ANKRD62: variants seen among roughly 807,000 people sequenced by gnomAD.
ANKRD62 encodes the protein ankyrin repeat domain-containing protein 62.
Under a neutral mutation model 98.8 loss-of-function variants are expected in ANKRD62, and 61 were observed. The ratio of observed to expected loss-of-function variants is 0.62; its 90% CI spans 0.50 to 0.76. The LOEUF is 0.76. Ranked by LOEUF, ANKRD62 falls within the 30% of genes least tolerant of loss-of-function variation. ANKRD62 has a pLI of 0.00. For synonymous variants in ANKRD62, 341 were observed against 367.9 expected, an observed-to-expected ratio of 0.93 and a Z score of 0.84; for missense variants, 933 against 1,082.9, an observed-to-expected ratio of 0.86 and a Z score of 1.94.
At chr18:12,124,779 TGTG>T (rs1909853916) in intron 12 of ANKRD62, among the ~76,000 whole-genome samples, 1 of 152,232 alleles carries the variant, frequency 6.6e-6, no homozygotes, top group Non-Finnish European at 1.5e-5. Context: ...GTAACTGTGA[TGTG>T]GTGGAGGACC....
chr18:12,094,136 G>A lies in ANKRD62; in HGVS notation c.119G>A (p.Gly40Asp), dbSNP rs1909112301. The change falls in exon 1 of 14, where the codon GGC (glycine) becomes GAC (aspartate). Residue 40 changes from glycine to aspartate, a missense_variant. By Grantham distance (94) the Gly-to-Asp change is moderately conservative. Around this residue, in one of 3 missense-constraint regions of ANKRD62, gnomAD observed 549 missense variants for 587.9 expected, o/e 0.93. Transcript: ENST00000587848. ...TACCGAGTCCGGCAGAAGGATCTGG[G>A]CATGATCCACAAAGCTGCCATCGCA... Reference protein sequence around the residue: ...PGYRVRQKDLGMIHKAAIAGD... With the variant: ...PGYRVRQKDLDMIHKAAIAGD... The A allele has an allele frequency of 1.3e-6, 2 of 1,533,848 alleles. No individual in the cohort carries two copies. The highest frequency in any genetic ancestry group is 1.2e-5 in the South Asian group (1 of 83,868).
intron 8 of ANKRD62, among the ~76,000 whole-genome samples, chr18:12,109,635 C>A (rs1295562130): frequency 6.6e-6 from 1 of 152,094 alleles, no homozygotes; most frequent in African/African-American, 2.4e-5. Context: ...TTATAATAAT[C>A]TGAATATTGC....
chr18:12,117,144 C>G (rs1909681907), intron 10 of ANKRD62, among the ~76,000 whole-genome samples: 2 of 152,148 alleles, frequency 1.3e-5, no homozygotes, highest in Non-Finnish European at 2.9e-5. Flanking sequence ...ACTAATAATA[C>G]TCACTTATTA....
At chr18:12,115,198 T>C in intron 9 of ANKRD62, 77 bp downstream of exon 9, 1 of 1,327,750 alleles carries the variant, frequency 7.5e-7, no homozygotes, top group Admixed American at 3.2e-5. Context: ...AGAAAATCTT[T>C]TGCTGTAAAG....
Position 12,101,891 on chromosome 18 carries a change from G to A in ANKRD62, c.821-1267G>A. 4.2e-6 allele frequency: 3 copies of A among 715,112 alleles called. 1 individual carries two copies. The South Asian group carries it at 4.4e-5, about 10-fold the overall frequency. The allele number at this position is 715,112 out of a possible 1,614,324, so 44.3% of individuals were successfully genotyped here. A position where few individuals can be genotyped will look rare whatever the true frequency, so the allele number is the denominator to read the frequency against. ...AAGAGAAGAAGGCTGTCCACCAATG[G>A]ACTTACCCTGTTATTTCTTCCTTAT... On this transcript the variant is annotated intron_variant, in intron 6 of 13. Coordinates refer to ENST00000587848, the MANE Select transcript of ANKRD62 (RefSeq NM_001277333.2).
chr18:12,145,417 C>T, the ANKRD62 span, among the ~76,000 whole-genome samples: 231 of 152,338 alleles, frequency 1.5e-3, 1 homozygote, highest in African/African-American at 5.3e-3. Flanking sequence ...CCAGAGAATA[C>T]CACGACTGGG....
chr18:12,168,683 T>C, the ANKRD62 span, among the ~76,000 whole-genome samples: 29 of 152,342 alleles, frequency 1.9e-4, no homozygotes, highest in African/African-American at 6.5e-4. Flanking sequence ...AAGTCATTGG[T>C]AGCTTGATGG....
intron 10 of ANKRD62, among the ~76,000 whole-genome samples, chr18:12,117,145 T>TAC (rs1909682046): frequency 1.3e-5 from 2 of 152,212 alleles, no homozygotes; most frequent in Non-Finnish European, 2.9e-5. Context: ...CTAATAATAC[T>TAC]CACTTATTAA....
At chr18:12,171,189 G>C in the ANKRD62 span, among the ~76,000 whole-genome samples, 7 of 152,186 alleles carry the variant, frequency 4.6e-5, no homozygotes, top group African/African-American at 1.7e-4. Context: ...TATGATGTTA[G>C]CTGGTTATTT....
chr18:12,130,217 A>G (rs1909982810), downstream of ANKRD62, among the ~76,000 whole-genome samples: 1 of 152,154 alleles, frequency 6.6e-6, no homozygotes, highest in African/African-American at 2.4e-5. Context: ...AAATAACAAC[A>G]GTTTCTCAAT....
intron 8 of ANKRD62, among the ~76,000 whole-genome samples, chr18:12,111,764 A>G (rs527447408): frequency 3.2e-4 from 48 of 152,318 alleles, no homozygotes; most frequent in African/African-American, 1.1e-3. Context: ...GACCAACAAT[A>G]GTGAAGAGCC....
At chr18:12,171,506 C>T in the ANKRD62 span, among the ~76,000 whole-genome samples, 1,727 of 152,242 alleles carry the variant, frequency 0.011, 29 homozygotes, top group African/African-American at 0.039. Flanking sequence ...CCGAGAGATC[C>T]GCTGTTAGTG....
chr18:12,166,188 T>C, the ANKRD62 span, among the ~76,000 whole-genome samples: 1 of 152,164 alleles, frequency 6.6e-6, no homozygotes, highest in African/African-American at 2.4e-5. Flanking sequence ...TTCCCAGGTT[T>C]CGGAAGTTCT....
rs1426304587 is a variant in ANKRD62 at position 12,115,417 on chromosome 18, G to A, written c.1123G>A (p.Asp375Asn). The A allele has an allele frequency of 1.0e-5, 16 of 1,535,402 alleles. No individual in the cohort carries two copies. Among genetic ancestry groups the A allele is most frequent in the Non-Finnish European group, 1.3e-5 (15 of 1,145,952 alleles). The change falls in exon 10 of 14, where the codon GAT (aspartate) becomes AAT (asparagine). Residue 375 changes from aspartate to asparagine, a missense_variant. Around this residue, in one of 3 missense-constraint regions of ANKRD62, gnomAD observed 549 missense variants for 587.9 expected, o/e 0.93. Coordinates refer to ENST00000587848, the MANE Select transcript of ANKRD62 (RefSeq NM_001277333.2). Reference sequence around the variant, plus strand: ...GGTTAAAAGCCAAATATATTTCACGGATGACCTTAATGACATAAGTGGGTC... The same window carrying A: ...GGTTAAAAGCCAAATATATTTCACGAATGACCTTAATGACATAAGTGGGTC... ...SKVKSQIYFT[D>N]DLNDISGSSE...
the ANKRD62 span, among the ~76,000 whole-genome samples, chr18:12,155,064 G>A: frequency 1.3e-5 from 2 of 152,124 alleles, no homozygotes; most frequent in Non-Finnish European, 2.9e-5. Flanking sequence ...AGAAACCCCT[G>A]TGACACAAGT....
chr18:12,171,726 CAG>C, the ANKRD62 span, among the ~76,000 whole-genome samples: 7 of 152,204 alleles, frequency 4.6e-5, no homozygotes. Flanking sequence ...TAATATCCTG[CAG>C]AGTGTTTTCC....
chr18:12,123,149 G>C, intron 11 of ANKRD62, among the ~76,000 whole-genome samples: 1 of 152,018 alleles, frequency 6.6e-6, no homozygotes, highest in East Asian at 1.9e-4. Flanking sequence ...CCGGGTTCAA[G>C]CAATTCTTGT....
chr18:12,160,670 T>C, the ANKRD62 span, among the ~76,000 whole-genome samples: 13 of 152,218 alleles, frequency 8.5e-5, no homozygotes, highest in Non-Finnish European at 1.8e-4. Context: ...CAGCAGCTCT[T>C]ATAAGGCTGC....
chr18:12,119,749 A>ATTAT (rs917400105), intron 10 of ANKRD62, among the ~76,000 whole-genome samples: 4 of 151,584 alleles, frequency 2.6e-5, no homozygotes, highest in Non-Finnish European at 5.9e-5. Context: ...CTCTTATTTT[A>ATTAT]TTATTTATTT....
Sources: allele counts gnomAD v4.1 joint callset (sites outside exome capture counted in the v4.1 genomes callset), GRCh38; gene constraint gnomAD v4.1.1; regional missense constraint gnomAD v4.1.1; transcripts MANE v1.5; gene names NCBI Gene and HGNC (gene_info 2026-07-23, HGNC 2026-07-21).